The following MRPL47 variants were observed in gnomAD, a reference collection of about 807,000 sequenced individuals.
The protein encoded by MRPL47 is mitochondrial ribosomal protein L47.
MRPL47 carries 31 observed loss-of-function variants against 34.0 expected under a neutral mutation model. The observed-to-expected ratio is 0.91, with a 90% CI of 0.68 to 1.23. The LOEUF is 1.23. Among genes scored for constraint, MRPL47 ranks in the 50% most tolerant of loss-of-function variants. MRPL47 has a pLI of 0.00. For synonymous variants in MRPL47, 106 were observed against 101.6 expected, an observed-to-expected ratio of 1.04 and a Z score of -0.26; for missense variants, 328 against 285.8, an observed-to-expected ratio of 1.15 and a Z score of -1.07.
intron 4 of MRPL47, among the ~76,000 whole-genome samples, chr3:179,595,296 G>C (rs1352318888): frequency 6.6e-6 from 1 of 151,812 alleles, no homozygotes; most frequent in African/African-American, 2.4e-5. Flanking sequence ...TGATCTATTT[G>C]CCTTGGCCTC....
intron 1 of MRPL47, among the ~76,000 whole-genome samples, chr3:179,603,752 A>T (rs1718986047): frequency 1.3e-5 from 2 of 152,254 alleles, no homozygotes; most frequent in Non-Finnish European, 2.9e-5. Context: ...TTTAAAAATT[A>T]CTGTGCATCT....
intron 4 of MRPL47, among the ~76,000 whole-genome samples, chr3:179,597,116 A>G (rs114935316): frequency 0.015 from 2,289 of 152,334 alleles, 59 homozygotes; most frequent in African/African-American, 0.052. Flanking sequence ...AAACAGAGCA[A>G]TCTGGAGGGT....
Position 179,604,602 on chromosome 3 carries a change from AG to A in MRPL47, c.22del (p.Leu8PhefsTer10). 6.2e-7 allele frequency: 1 copy of A among 1,614,248 alleles called. No individual in the cohort carries two copies. Among genetic ancestry groups the A allele is most frequent in the Non-Finnish European group, 8.5e-7 (1 of 1,180,046 alleles). MAAAGLA[L>X]LCRRVSSALK... ...GGCGGATGAAACTCTCCTACAAAGA[AG>A]GGCCAAACCGGCCGCAGCCATGTTT... On this transcript the variant is annotated frameshift_variant, in exon 1 of 7. Transcript: ENST00000476781. LOFTEE classifies it high-confidence loss of function.
At position 179,602,569 on chromosome 3, in the gene MRPL47, T is replaced by C. The variant is rs1576871653; in HGVS notation, c.244+83A>G. On this transcript the variant is annotated intron_variant, in intron 2 of 6. Transcript: ENST00000476781. ...ATCTAAATAATTCCTAAACTGGATA[T>C]ATAATCCTAGAACGATGGTTGGGCG... 7.0e-6 allele frequency: 5 copies of C among 717,458 alleles called. No homozygotes were observed. In the Admixed American group the frequency reaches 1.3e-4, roughly 18 times the overall value. The allele number at this position is 717,458 out of a possible 1,614,324, so 44.4% of individuals were successfully genotyped here. A position where few individuals can be genotyped will look rare whatever the true frequency, so the allele number is the denominator to read the frequency against.
At chr3:179,590,803 C>G (rs1718657565) in intron 6 of MRPL47, among the ~76,000 whole-genome samples, 2 of 151,942 alleles carry the variant, frequency 1.3e-5, no homozygotes, top group South Asian at 4.2e-4. Flanking sequence ...ACAGACTGCA[C>G]TAGGGCAAAG....
intron 1 of MRPL47, among the ~76,000 whole-genome samples, chr3:179,603,819 G>A (rs1718988158): frequency 6.6e-6 from 1 of 151,966 alleles, no homozygotes; most frequent in African/African-American, 2.4e-5. Context: ...AATAGTTAAC[G>A]ACCTGAGATG....
intron 4 of MRPL47, among the ~76,000 whole-genome samples, chr3:179,596,495 A>C (rs1244705902): frequency 6.6e-6 from 1 of 152,222 alleles, no homozygotes; most frequent in African/African-American, 2.4e-5. Context: ...AGTGCAGTAC[A>C]TATAACCTAC....
intron 4 of MRPL47, among the ~76,000 whole-genome samples, chr3:179,594,739 C>T (rs139809897): frequency 6.6e-6 from 1 of 152,180 alleles, no homozygotes; most frequent in African/African-American, 2.4e-5. Context: ...CCACCTTGGC[C>T]TCCCAAAGTG....
At chr3:179,598,632 CTGTAATCATGT>C in intron 4 of MRPL47, 32 bp downstream of exon 4, 3 of 1,176,204 alleles carry the variant, frequency 2.6e-6, no homozygotes, top group Non-Finnish European at 3.8e-6. Flanking sequence ...CTCCTTTTAG[CTGTAATCATGT>C]ATACCAGTCT....
At chr3:179,590,539 A>G (rs181637818) in intron 6 of MRPL47, among the ~76,000 whole-genome samples, 1 of 152,240 alleles carries the variant, frequency 6.6e-6, no homozygotes, top group Admixed American at 6.5e-5. Context: ...GCAACAGTGG[A>G]AAATAAGCAA....
At chr3:179,597,076 G>C (rs770315917) in intron 4 of MRPL47, among the ~76,000 whole-genome samples, 10 of 152,238 alleles carry the variant, frequency 6.6e-5, no homozygotes, top group Non-Finnish European at 1.3e-4. Flanking sequence ...AGGACTGATA[G>C]ATGCATAGAA....
chr3:179,604,531 T>C lies in MRPL47; in HGVS notation c.94A>G (p.Thr32Ala). The change falls in exon 1 of 7, where the codon ACA becomes GCA. Residue 32 changes from threonine to alanine, a missense_variant. By Grantham distance (58) the Thr-to-Ala change is moderately conservative. Coordinates refer to ENST00000476781, the MANE Select transcript of MRPL47 (RefSeq NM_020409.3). ...SLITPQVPAC[T>A]GFFLSLLPKS... is the part of the protein sequence containing the mutation. Reference sequence around the variant, plus strand: ...CCTACTTTATACATCACTTACCCTGTGCAGGCAGGGACCTGAGGAGTTATT... The same window carrying C: ...CCTACTTTATACATCACTTACCCTGCGCAGGCAGGGACCTGAGGAGTTATT... 2 of 1,613,814 alleles carry C rather than the reference T, an allele frequency of 1.2e-6. No individual in the cohort carries two copies. The highest frequency in any genetic ancestry group is 1.7e-6 in the Non-Finnish European group (2 of 1,179,724).
rs554973896 is a variant in MRPL47, at chr3:179,598,879, C to T, written c.306-108G>A. On this transcript the variant is annotated intron_variant, in intron 3 of 6. Transcript: ENST00000476781. Reference sequence around the variant, plus strand: ...TCTGTACTTGAAAGTCACTTAGAGGCGAGGTGCTGTGGCTCACACCTGTAA... The same window carrying T: ...TCTGTACTTGAAAGTCACTTAGAGGTGAGGTGCTGTGGCTCACACCTGTAA... 3.1e-4 allele frequency: 235 copies of T among 766,234 alleles called. 1 individual carries two copies. In the South Asian group the frequency reaches 3.1e-3, roughly 10 times the overall value. 47.5% of individuals were successfully genotyped at this position (766,234 alleles called of 1,614,324 possible). A position where few individuals can be genotyped will look rare whatever the true frequency, so the allele number is the denominator to read the frequency against.
rs945478425 is a variant in MRPL47, at chr3:179,591,986, C to A, written c.629+658G>T. On this transcript the variant is annotated intron_variant, in intron 6 of 6. Transcript: ENST00000476781. ...TAGTTGAGATTACAGGCACATGCTACCATGGCCGGCTAATTTTTGTATTTT... is the reference window on the plus strand; with the variant it reads ...TAGTTGAGATTACAGGCACATGCTAACATGGCCGGCTAATTTTTGTATTTT... Among the ~76,000 whole-genome samples, 10 of 152,192 alleles carry A rather than the reference C, an allele frequency of 6.6e-5. No homozygotes were observed. The South Asian group carries it at 8.3e-4, about 13-fold the overall frequency.
chr3:179,597,207 G>A (rs1056864847), intron 4 of MRPL47, among the ~76,000 whole-genome samples: 1 of 152,182 alleles, frequency 6.6e-6, no homozygotes, highest in African/African-American at 2.4e-5. Context: ...AGAAAAAAAT[G>A]TTATATAACT....
At chr3:179,597,015 G>C (rs867389618) in intron 4 of MRPL47, among the ~76,000 whole-genome samples, 1 of 152,190 alleles carries the variant, frequency 6.6e-6, no homozygotes, top group African/African-American at 2.4e-5. Context: ...ATAAAGGGAT[G>C]TCATGTGTAC....
At chr3:179,599,783 A>T (rs1327913460) in intron 3 of MRPL47, among the ~76,000 whole-genome samples, 1 of 152,216 alleles carries the variant, frequency 6.6e-6, no homozygotes, top group Non-Finnish European at 1.5e-5. Context: ...AAGGTACTGA[A>T]GCAGCAGAGC....
chr3:179,598,842 C>T (rs567078621), intron 3 of MRPL47, 71 bp from the exon 4 acceptor site: 2 of 1,109,276 alleles, frequency 1.8e-6, no homozygotes, highest in African/African-American at 3.1e-5. Context: ...TTTCTGACAT[C>T]AAAATTAATT....
chr3:179,602,566 A>G lies in MRPL47; in HGVS notation c.244+86T>C, dbSNP rs1718949691. 6 of 697,200 alleles carry G rather than the reference A, an allele frequency of 8.6e-6. No homozygotes were observed. In the South Asian group the frequency reaches 9.3e-5, roughly 11 times the overall value. 43.2% of individuals were successfully genotyped at this position (697,200 alleles called of 1,614,324 possible). ...AACATCTAAATAATTCCTAAACTGG[A>G]TATATAATCCTAGAACGATGGTTGG... is the stretch of plus-strand genomic sequence containing the variant. On this transcript the variant is annotated intron_variant, in intron 2 of 6. Coordinates refer to ENST00000476781, the MANE Select transcript of MRPL47 (RefSeq NM_020409.3).
Sources: allele counts gnomAD v4.1 joint callset (sites outside exome capture counted in the v4.1 genomes callset), GRCh38; gene constraint gnomAD v4.1.1; transcripts MANE v1.5; gene names NCBI Gene and HGNC (gene_info 2026-07-23, HGNC 2026-07-21).